The following ABCA13 variants were observed in gnomAD, a reference collection of about 807,000 sequenced individuals.
The protein encoded by ABCA13 is ATP-binding cassette sub-family A member 13.
In ABCA13, 476 loss-of-function variants were observed where a neutral mutation model predicts 478.7. That is an observed-to-expected ratio of 0.99 (90% CI 0.92 to 1.07). The LOEUF (loss-of-function observed/expected upper bound fraction) is 1.07. Ranked by LOEUF, ABCA13 falls within the 50% of genes least tolerant of loss-of-function variation. The probability of loss-of-function intolerance (pLI) is 0.00; values close to 1 mark genes in which losing one functional copy is unlikely to be tolerated. For missense variants in ABCA13, 6,060 were observed against 5,910.6 expected, an observed-to-expected ratio of 1.03 and a Z score of -0.83; for synonymous variants, 2,252 against 2,158.9, an observed-to-expected ratio of 1.04 and a Z score of -1.20.
rs1216618122 is a variant in ABCA13, at chr7:48,274,796, TG to T, written c.5132del (p.Gly1711AlafsTer2). 1.9e-6 allele frequency: 3 copies of T among 1,613,872 alleles called. No individual in the cohort carries two copies. Among genetic ancestry groups the T allele is most frequent in the African/African-American group, 1.3e-5 (1 of 74,940 alleles). On this transcript the variant is annotated frameshift_variant, in exon 17 of 62. Transcript: ENST00000435803. LOFTEE classifies it high-confidence loss of function. ...GCAATTTAGTGGTCAATTTGCTTGT[TG>T]GCTTGATGGAAAAATTTGCAGACAG... is the stretch of plus-strand genomic sequence containing the variant. ...TGNLVVNLLV[G>X]LMEKFADSSH...
At chr7:48,469,706 G>A (rs1448410130) in intron 44 of ABCA13, among the ~76,000 whole-genome samples, 2 of 152,174 alleles carry the variant, frequency 1.3e-5, no homozygotes, top group African/African-American at 4.8e-5. Context: ...GGATCACGAG[G>A]TCAGGAGTTT....
intron 23 of ABCA13, 105 bp downstream of exon 23, chr7:48,298,592 T>C: frequency 3.6e-6 from 5 of 1,376,994 alleles, no homozygotes; most frequent in Non-Finnish European, 4.8e-6. Context: ...TCCTCTCCTT[T>C]GGCTAGTGTA....
At chr7:48,196,446 G>A (rs1168421922) in intron 2 of ABCA13, among the ~76,000 whole-genome samples, 2 of 152,122 alleles carry the variant, frequency 1.3e-5, no homozygotes, top group Non-Finnish European at 2.9e-5. Flanking sequence ...CAGCTCTGTG[G>A]GGATGGGCAT....
At chr7:48,374,743 GT>G (rs1813190138) in intron 34 of ABCA13, among the ~76,000 whole-genome samples, 1 of 152,178 alleles carries the variant, frequency 6.6e-6, no homozygotes, top group Non-Finnish European at 1.5e-5. Context: ...GTGTGCAAAT[GT>G]GTCCATCTGT....
chr7:48,282,057 A>G (rs746536912), intron 19 of ABCA13, among the ~76,000 whole-genome samples: 1 of 152,180 alleles, frequency 6.6e-6, no homozygotes, highest in Non-Finnish European at 1.5e-5. Context: ...TGGGAACAGG[A>G]TCAGTCTCTT....
At chr7:48,414,665 G>A (rs931539503) in intron 41 of ABCA13, among the ~76,000 whole-genome samples, 1 of 151,238 alleles carries the variant, frequency 6.6e-6, no homozygotes, top group Non-Finnish European at 1.5e-5. Context: ...TCAGGGTTTC[G>A]TTGTGTTGCT....
intron 53 of ABCA13, among the ~76,000 whole-genome samples, chr7:48,520,557 A>T (rs779942266): frequency 1.2e-4 from 17 of 146,932 alleles, no homozygotes; most frequent in South Asian, 8.3e-4. Context: ...TTTTTTTAAA[A>T]TTTTTTTTAT....
intron 20 of ABCA13, among the ~76,000 whole-genome samples, chr7:48,289,359 A>T (rs1271315321): frequency 1.4e-5 from 2 of 139,652 alleles, no homozygotes; most frequent in South Asian, 2.3e-4. Context: ...CCCACAGACA[A>T]TTTTTTTTTT....
intron 24 of ABCA13, among the ~76,000 whole-genome samples, chr7:48,312,317 C>T (rs553106507): frequency 6.6e-6 from 1 of 152,288 alleles, no homozygotes; most frequent in East Asian, 1.9e-4. Flanking sequence ...GGCATTTCCT[C>T]ATTTATCCAT....
At chr7:48,192,622 G>C (rs772873503) in intron 1 of ABCA13, among the ~76,000 whole-genome samples, 15 of 152,182 alleles carry the variant, frequency 9.9e-5, no homozygotes, top group South Asian at 2.1e-4. Flanking sequence ...AAAGAAATTA[G>C]AAAAATAAAA....
At position 48,352,180 on chromosome 7, in the gene ABCA13, G is replaced by A; in HGVS notation, c.10382-1G>A. ...CTTCGTTTTTCCTTTTCTGCCACTA[G>A]GTATCATTTTCAGCAATTCCTTATT... On this transcript the variant is annotated splice_acceptor_variant, in intron 30 of 61. Transcript: ENST00000435803. LOFTEE classifies it high-confidence loss of function. 1.2e-6 allele frequency: 2 copies of A among 1,600,012 alleles called. No individual in the cohort carries two copies. Among genetic ancestry groups the A allele is most frequent in the South Asian group, 1.1e-5 (1 of 90,074 alleles).
intron 1 of ABCA13, among the ~76,000 whole-genome samples, chr7:48,185,128 A>G (rs370683556): frequency 1.3e-5 from 2 of 152,154 alleles, no homozygotes; most frequent in Admixed American, 1.3e-4. Flanking sequence ...TGCCTCCTCT[A>G]TCTCCACTCT....
rs75390765 is a variant in ABCA13, at chr7:48,389,179, C to A, written c.11613C>A (p.Thr3871=). The A allele has an allele frequency of 6.2e-7, 1 of 1,613,738 alleles. No homozygotes were observed. The highest frequency in any genetic ancestry group is 8.5e-7 in the Non-Finnish European group (1 of 1,179,820). Residue 3871 remains threonine, a synonymous_variant, in exon 37 of 62, where the codon ACC becomes ACA. Transcript: ENST00000435803. The part of the protein sequence containing the change: ...LSLTFYRDQI[T]ALLGTNGAGK... ...TGACCTTCTACAGAGACCAAATCACCGCCCTGCTGGGGACAAACGGTGCCG... is the reference window on the plus strand; with the variant it reads ...TGACCTTCTACAGAGACCAAATCACAGCCCTGCTGGGGACAAACGGTGCCG...
chr7:48,506,850 T>G (rs1831258969), intron 49 of ABCA13, among the ~76,000 whole-genome samples: 1 of 152,166 alleles, frequency 6.6e-6, no homozygotes, highest in South Asian at 2.1e-4. Context: ...CTGTGTCAGT[T>G]CTCACTGTCT....
At chr7:48,305,441 C>T (rs551181615) in intron 23 of ABCA13, among the ~76,000 whole-genome samples, 6 of 152,186 alleles carry the variant, frequency 3.9e-5, no homozygotes, top group Non-Finnish European at 5.9e-5. Flanking sequence ...CTCTGAAGGG[C>T]GTAGGGCCTA....
At chr7:48,565,453 G>T (rs908993296) in intron 55 of ABCA13, among the ~76,000 whole-genome samples, 2 of 152,034 alleles carry the variant, frequency 1.3e-5, no homozygotes, top group African/African-American at 4.8e-5. Context: ...CAATTGTAGT[G>T]ATGTTTAAAT....
chr7:48,244,656 A>T lies in ABCA13; in HGVS notation c.1343A>T (p.Asp448Val). The stretch of plus-strand genomic sequence containing the variant: ...GCACTGAAGAGATTTCTTCAGCTTG[A>T]TGGAGCTCTCAGAAATGCGATAGCT... ...WPALKRFLQL[D>V]GALRNAIAQN... Residue 448 changes from aspartate to valine, a missense_variant, in exon 11 of 62, where the codon GAT becomes GTT. Transcript: ENST00000435803. 6.2e-7 allele frequency: 1 copy of T among 1,611,904 alleles called. No homozygotes were observed. Among genetic ancestry groups the T allele is most frequent in the Non-Finnish European group, 8.5e-7 (1 of 1,178,732 alleles).
chr7:48,243,469 T>C, intron 10 of ABCA13, among the ~76,000 whole-genome samples: 1 of 151,990 alleles, frequency 6.6e-6, no homozygotes, highest in East Asian at 1.9e-4. Flanking sequence ...GTGTCAGGAG[T>C]CTGGTCAGCA....
At chr7:48,277,255 C>T (rs1004301899) in intron 17 of ABCA13, among the ~76,000 whole-genome samples, 2 of 152,112 alleles carry the variant, frequency 1.3e-5, no homozygotes, top group Non-Finnish European at 2.9e-5. Flanking sequence ...GCGCCCACAG[C>T]AGGCAGGGGC....
Sources: allele counts gnomAD v4.1 joint callset (sites outside exome capture counted in the v4.1 genomes callset), GRCh38; gene constraint gnomAD v4.1.1; transcripts MANE v1.5; gene names NCBI Gene and HGNC (gene_info 2026-07-23, HGNC 2026-07-21).